The following AP3B1 variants were observed in gnomAD, a reference collection of about 807,000 sequenced individuals.
The protein encoded by AP3B1 is adaptor related protein complex 3 subunit beta 1, also known as AP-3 complex subunit beta-1.
Under a neutral mutation model 132.5 loss-of-function variants are expected in AP3B1, and 61 were observed. That is an observed-to-expected ratio of 0.46 (90% CI 0.37 to 0.57). AP3B1 has a LOEUF of 0.57. Among genes scored for constraint, AP3B1 ranks in the 20% least tolerant of loss-of-function variants. The pLI is 0.00. For missense variants in AP3B1, 1,120 were observed against 1,289.4 expected (o/e 0.87, Z 2.01); for synonymous variants, 388 against 438.3 (o/e 0.89, Z 1.43).
intron 11 of AP3B1, among the ~76,000 whole-genome samples, chr5:78,170,615 G>GT (rs1743869925): frequency 1.3e-5 from 2 of 151,796 alleles, no homozygotes; most frequent in Admixed American, 6.6e-5. Context: ...CTCTTTTCTT[G>GT]TTTTTTCTGG....
At chr5:78,197,700 T>A (rs1254657824) in intron 7 of AP3B1, among the ~76,000 whole-genome samples, 1 of 152,142 alleles carries the variant, frequency 6.6e-6, no homozygotes, top group East Asian at 1.9e-4. Context: ...TGTCAGTTCA[T>A]AAGGAATAAT....
At chr5:78,025,789 T>G (rs1363171372) in intron 24 of AP3B1, among the ~76,000 whole-genome samples, 1 of 152,212 alleles carries the variant, frequency 6.6e-6, no homozygotes, top group Non-Finnish European at 1.5e-5. Flanking sequence ...TCTAGGAGGA[T>G]AATAAATCCT....
Position 78,162,821 on chromosome 5 carries a change from T to C in AP3B1, c.1361A>G (p.Asp454Gly), listed in dbSNP as rs1743440348. The C allele has an allele frequency of 4.3e-6, 7 of 1,613,726 alleles. No individual in the cohort carries two copies. Among genetic ancestry groups the C allele is most frequent in the African/African-American group, 1.3e-5 (1 of 74,924 alleles). ...NGLVCLLSNR[D>G]EIVVAESVVV... ...ATAAAATGAAACTGTAAACTTACCA[T>C]CCCTGTTGGACAGCAGACAGACCAA... The change falls in exon 13 of 27, where the codon GAT (aspartate) becomes GGT (glycine). Residue 454 changes from aspartate (D) to glycine (G), a missense_variant and splice_region_variant. Asp to Gly is a moderately conservative substitution (Grantham distance 94). Coordinates refer to ENST00000255194, the MANE Select transcript of AP3B1 (RefSeq NM_003664.5).
intron 22 of AP3B1, among the ~76,000 whole-genome samples, chr5:78,056,963 A>G (rs1484086023): frequency 6.6e-6 from 1 of 152,232 alleles, no homozygotes; most frequent in Non-Finnish European, 1.5e-5. Flanking sequence ...AGAATGATGC[A>G]TTGCTTTTAA....
intron 13 of AP3B1, among the ~76,000 whole-genome samples, chr5:78,157,887 T>C (rs752368770): frequency 1.3e-4 from 19 of 151,914 alleles, no homozygotes; most frequent in Non-Finnish European, 1.9e-4. Flanking sequence ...GTAGCTGGGA[T>C]TTACAGGCGC....
chr5:78,199,472 T>G (rs576560044), intron 7 of AP3B1, among the ~76,000 whole-genome samples: 26 of 152,274 alleles, frequency 1.7e-4, no homozygotes, highest in African/African-American at 6.3e-4. Flanking sequence ...TTAGAGTAGT[T>G]TTCATTTGAT....
At chr5:78,208,435 T>C (rs1047172263) in intron 7 of AP3B1, among the ~76,000 whole-genome samples, 5 of 152,144 alleles carry the variant, frequency 3.3e-5, no homozygotes, top group Non-Finnish European at 7.4e-5. Context: ...GCTTGTAACA[T>C]GACTACTGCA....
rs145781384 is a variant in AP3B1, at chr5:78,290,917, T to C, written c.128+3535A>G. Reference sequence around the variant, plus strand: ...GTGAGCCATGATCACACCACTGCACTCCAGCCTAGGCAACAGAGTAAGACA... The same window carrying C: ...GTGAGCCATGATCACACCACTGCACCCCAGCCTAGGCAACAGAGTAAGACA... On this transcript the variant is annotated intron_variant, in intron 1 of 26. Transcript: ENST00000255194. Among the ~76,000 whole-genome samples, 148 of 152,150 alleles carry C rather than the reference T, an allele frequency of 9.7e-4. 2 individuals are homozygous for C. The East Asian group carries it at 0.025, about 26-fold the overall frequency.
intron 1 of AP3B1, among the ~76,000 whole-genome samples, chr5:78,285,019 G>A (rs955198351): frequency 6.6e-6 from 1 of 152,106 alleles, no homozygotes; most frequent in Non-Finnish European, 1.5e-5. Flanking sequence ...AGGCCGAGGT[G>A]GGCAGATCAT....
chr5:78,082,245 T>C (rs1222849043), intron 22 of AP3B1, among the ~76,000 whole-genome samples: 1 of 152,190 alleles, frequency 6.6e-6, no homozygotes, highest in African/African-American at 2.4e-5. Context: ...CAATCCCAAT[T>C]TTGACTGAAT....
At chr5:78,006,633 A>C (rs1222354274) in intron 26 of AP3B1, among the ~76,000 whole-genome samples, 4 of 152,220 alleles carry the variant, frequency 2.6e-5, no homozygotes, top group African/African-American at 9.6e-5. Flanking sequence ...GAGACCAATC[A>C]ACCTCGAAAA....
intron 15 of AP3B1, among the ~76,000 whole-genome samples, chr5:78,139,449 G>A (rs1753054984): frequency 6.6e-6 from 1 of 152,110 alleles, no homozygotes; most frequent in Non-Finnish European, 1.5e-5. Flanking sequence ...GCATCTCAAT[G>A]TATGAAGAAA....
intron 2 of AP3B1, among the ~76,000 whole-genome samples, chr5:78,256,951 G>C (rs968722818): frequency 6.6e-6 from 1 of 151,952 alleles, no homozygotes; most frequent in African/African-American, 2.4e-5. Context: ...CTGAAGAACC[G>C]TTTGATAAAA....
chr5:78,044,759 T>C (rs1296089553), intron 22 of AP3B1, among the ~76,000 whole-genome samples: 2 of 152,234 alleles, frequency 1.3e-5, no homozygotes, highest in Non-Finnish European at 2.9e-5. Flanking sequence ...AGTCTAATCC[T>C]AGGATGCATG....
At chr5:78,290,327 T>A (rs914287362) in intron 1 of AP3B1, among the ~76,000 whole-genome samples, 1 of 151,942 alleles carries the variant, frequency 6.6e-6, no homozygotes, top group African/African-American at 2.4e-5. Flanking sequence ...GTTCAAGCAA[T>A]CCTCCTGCCT....
At chr5:78,003,125 T>G in intron 26 of AP3B1, 70 bp from the exon 27 acceptor site, 1 of 1,533,582 alleles carries the variant, frequency 6.5e-7, no homozygotes, top group East Asian at 2.3e-5. Context: ...TACATTCAAA[T>G]AGGATTAAAA....
intron 2 of AP3B1, among the ~76,000 whole-genome samples, chr5:78,251,825 C>T (rs557917529): frequency 6.6e-6 from 1 of 152,276 alleles, no homozygotes; most frequent in Non-Finnish European, 1.5e-5. Context: ...GGAGGGAGCA[C>T]GCAACATACT....
intron 17 of AP3B1, among the ~76,000 whole-genome samples, chr5:78,126,782 A>G (rs1159238525): frequency 6.6e-6 from 1 of 152,158 alleles, no homozygotes; most frequent in African/African-American, 2.4e-5. Flanking sequence ...CTCATATTAC[A>G]TAATAAAATA....
rs1213502896 is a variant in AP3B1, at chr5:78,002,935, C to G, written c.3252G>C (p.Leu1084=). 6.2e-7 allele frequency: 1 copy of G among 1,614,080 alleles called. No individual in the cohort carries two copies. Among genetic ancestry groups the G allele is most frequent in the Non-Finnish European group, 8.5e-7 (1 of 1,180,050 alleles). ...TEKTVIGSVL[L]RELKPVLSQG The stretch of plus-strand genomic sequence containing the variant: ...GAGACAGGACAGGCTTCAGTTCCCG[C>G]AGCAGAACAGAGCCAATCACAGTTT... The change falls in exon 27 of 27, where the codon CTG becomes CTC. Residue 1084 remains leucine (L), a synonymous_variant. Coordinates refer to ENST00000255194, the MANE Select transcript of AP3B1 (RefSeq NM_003664.5).
Sources: gnomAD v4.1 joint callset for allele counts (sites outside exome capture counted in the v4.1 genomes callset) on GRCh38, gnomAD v4.1.1 for gene constraint, MANE v1.5 for transcripts, NCBI Gene and HGNC (gene_info 2026-07-23, HGNC 2026-07-21) for gene names.